Variants in RBFOX1 observed in about 807,000 individuals in gnomAD.
The protein encoded by RBFOX1 is RNA binding protein fox-1 homolog 1.
RBFOX1 carries 8 observed loss-of-function variants against 57.7 expected under a neutral mutation model. The ratio of observed to expected loss-of-function variants is 0.14; its 90% CI spans 0.08 to 0.25. The LOEUF is 0.25. Ranked by LOEUF, RBFOX1 falls within the 10% of genes least tolerant of loss-of-function variation. The probability of loss-of-function intolerance (pLI) is 1.00; values close to 1 mark genes in which losing one functional copy is unlikely to be tolerated. For synonymous variants in RBFOX1, 326 were observed against 222.4 expected (o/e 1.47, Z -4.15); for missense variants, 611 against 548.5 (o/e 1.11, Z -1.14).
At chr16:5,991,261 C>T (rs2060390080) in intron 4 of RBFOX1, among the ~76,000 whole-genome samples, 1 of 152,132 alleles carries the variant, frequency 6.6e-6, no homozygotes, top group Non-Finnish European at 1.5e-5. Context: ...AGCACAAGAC[C>T]ACACAGGCAG....
intron 1 of RBFOX1, among the ~76,000 whole-genome samples, chr16:5,391,890 TACAC>T (rs746461930): frequency 6.1e-4 from 90 of 147,180 alleles, no homozygotes; most frequent in Non-Finnish European, 1.1e-3. Context: ...TGTGTGTGTA[TACAC>T]ACACACACAC....
intron 4 of RBFOX1, among the ~76,000 whole-genome samples, chr16:5,898,382 A>G (rs1290536409): frequency 2.6e-5 from 4 of 152,174 alleles, no homozygotes; most frequent in African/African-American, 4.8e-5. Context: ...TAGGGAGGAC[A>G]TGACCCAGAA....
chr16:6,333,066 A>G (rs1418113643), intron 2 of RBFOX1, among the ~76,000 whole-genome samples: 1 of 151,748 alleles, frequency 6.6e-6, no homozygotes, highest in East Asian at 1.9e-4. Flanking sequence ...TTGAGACAGC[A>G]TCTTGCTCTG....
chr16:7,344,832 C>T (rs1172481014), intron 4 of RBFOX1, among the ~76,000 whole-genome samples: 2 of 152,218 alleles, frequency 1.3e-5, no homozygotes, highest in African/African-American at 4.8e-5. Flanking sequence ...TGGTGTCTGT[C>T]GTCTCCCCAT....
At chr16:5,444,220 A>G (rs1360464792) in intron 1 of RBFOX1, among the ~76,000 whole-genome samples, 1 of 152,186 alleles carries the variant, frequency 6.6e-6, no homozygotes, top group Non-Finnish European at 1.5e-5. Context: ...CAGCAGATTA[A>G]AGTATGGATT....
chr16:7,378,995 T>C (rs1041406111), intron 4 of RBFOX1, among the ~76,000 whole-genome samples: 15 of 152,240 alleles, frequency 9.9e-5, no homozygotes, highest in African/African-American at 3.6e-4. Context: ...GACTGCAAGC[T>C]TAGATATCTA....
At chr16:7,525,110 C>T (rs185672903) in intron 5 of RBFOX1, among the ~76,000 whole-genome samples, 1 of 152,324 alleles carries the variant, frequency 6.6e-6, no homozygotes, top group East Asian at 1.9e-4. Context: ...TGCTTGTCCT[C>T]TATCTCTATC....
At chr16:6,874,855 C>T (rs761629881) in intron 3 of RBFOX1, among the ~76,000 whole-genome samples, 2 of 152,058 alleles carry the variant, frequency 1.3e-5, no homozygotes, top group Non-Finnish European at 2.9e-5. Context: ...AGAAATGACA[C>T]CCAATGAACT....
In RBFOX1 at chr16:6,478,410, TATATATATATATA is replaced by T. The variant is rs1213369506; in HGVS notation, c.-64+161354_-64+161366del. Among the ~76,000 whole-genome samples the T allele has an allele frequency of 4.2e-3, 100 of 23,578 alleles. 3 individuals are homozygous for T. The highest frequency in any genetic ancestry group is 6.4e-3 in the Non-Finnish European group (86 of 13,382). 15.5% of individuals were successfully genotyped at this position (23,578 alleles called of 152,430 possible). A position where few individuals can be genotyped will look rare whatever the true frequency, so the allele number is the denominator to read the frequency against. ...GCTAATATATATATATATATATATA[TATATATATATATA>T]TATATATTTTTTTTTTTTTTTTTTG... On this transcript the variant is annotated intron_variant, in intron 2 of 15. Transcript: ENST00000550418.
chr16:7,287,261 G>C (rs1055233734), intron 4 of RBFOX1, among the ~76,000 whole-genome samples: 3 of 152,190 alleles, frequency 2.0e-5, no homozygotes, highest in African/African-American at 7.2e-5. Context: ...AATAAAAATA[G>C]AAATGAGGTT....
intron 3 of RBFOX1, among the ~76,000 whole-genome samples, chr16:6,767,949 A>ATAATAATAATAATAATAAT (rs1491137745): frequency 8.1e-4 from 60 of 74,460 alleles, no homozygotes; most frequent in African/African-American, 2.9e-3. Context: ...AATAATAATA[A>ATAATAATAATAATAATAAT]GAAGAAGAAG....
At chr16:5,319,022 G>A (rs1188104230) in intron 1 of RBFOX1, among the ~76,000 whole-genome samples, 1 of 152,140 alleles carries the variant, frequency 6.6e-6, no homozygotes, top group East Asian at 1.9e-4. Context: ...AGCTACTTGG[G>A]AGGCTGAGGC....
intron 3 of RBFOX1, among the ~76,000 whole-genome samples, chr16:5,769,602 G>A (rs1316646956): frequency 1.3e-5 from 2 of 152,016 alleles, no homozygotes; most frequent in African/African-American, 2.4e-5. Context: ...GCGGTGAGCC[G>A]AGATCATGCC....
intron 3 of RBFOX1, among the ~76,000 whole-genome samples, chr16:6,666,887 T>C (rs77883637): frequency 1.3e-5 from 2 of 152,164 alleles, no homozygotes; most frequent in South Asian, 2.1e-4. Context: ...TCAATGAGTC[T>C]GCTCCACAGA....
intron 1 of RBFOX1, among the ~76,000 whole-genome samples, chr16:6,255,505 C>G (rs184626759): frequency 2.0e-5 from 3 of 152,076 alleles, no homozygotes; most frequent in African/African-American, 7.2e-5. Flanking sequence ...GTGATTTTGA[C>G]TATAAGACCC....
chr16:7,185,299 A>C (rs1307845059), intron 4 of RBFOX1, among the ~76,000 whole-genome samples: 1 of 152,000 alleles, frequency 6.6e-6, no homozygotes, highest in Admixed American at 6.6e-5. Context: ...TTCCCTAATG[A>C]TTCTACTGTA....
rs1331070727 is a variant in RBFOX1 at position 5,322,824 on chromosome 16, A to G, written c.219+82719A>G. Among the ~76,000 whole-genome samples, 7 of 152,366 alleles carry G rather than the reference A, an allele frequency of 4.6e-5. No individual in the cohort carries two copies. The South Asian group carries it at 1.0e-3, about 23-fold the overall frequency. ...CTACTTATTTTGAGAGTTAAATGTT[A>G]TAATGCACTTAGGGCACTTAGCAGA... is the stretch of plus-strand genomic sequence containing the variant. On this transcript the variant is annotated intron_variant, in intron 1 of 2. Coordinates refer to the RBFOX1 transcript ENST00000585867.
chr16:6,837,638 C>T (rs1318065676), intron 3 of RBFOX1, among the ~76,000 whole-genome samples: 1 of 152,142 alleles, frequency 6.6e-6, no homozygotes, highest in East Asian at 1.9e-4. Context: ...TCTCTCTAAG[C>T]CTCACTCCCT....
At chr16:6,988,525 T>G (rs1047234529) in intron 3 of RBFOX1, among the ~76,000 whole-genome samples, 1 of 151,926 alleles carries the variant, frequency 6.6e-6, no homozygotes, top group African/African-American at 2.4e-5. Context: ...CTTACCTGTT[T>G]TATTTTTTCT....
Sources: gnomAD v4.1 joint callset for allele counts (sites outside exome capture counted in the v4.1 genomes callset) on GRCh38, gnomAD v4.1.1 for gene constraint, MANE v1.5 for transcripts, NCBI Gene and HGNC (gene_info 2026-07-23, HGNC 2026-07-21) for gene names.